The following CFAP61 variants were observed in gnomAD, a reference collection of about 807,000 sequenced individuals.
CFAP61 encodes cilia and flagella associated protein 61.
CFAP61 carries 107 observed loss-of-function variants against 135.6 expected under a neutral mutation model. The observed-to-expected ratio is 0.79, with a 90% CI of 0.67 to 0.93. The LOEUF (loss-of-function observed/expected upper bound fraction) is 0.93, where lower values mean the gene tolerates loss of function less well. Ranked by LOEUF, CFAP61 falls within the 40% of genes least tolerant of loss-of-function variation. CFAP61 has a pLI of 0.00. For synonymous variants in CFAP61, 575 were observed against 578.5 expected (o/e 0.99, Z 0.09); for missense variants, 1,507 against 1,556.2 (o/e 0.97, Z 0.53).
At chr20:20,061,308 T>C (rs2044777835) in intron 2 of CFAP61, among the ~76,000 whole-genome samples, 3 of 151,810 alleles carry the variant, frequency 2.0e-5, no homozygotes, top group South Asian at 4.2e-4. Flanking sequence ...AATAAGAAAA[T>C]AAATTTTACT....
intron 6 of CFAP61, among the ~76,000 whole-genome samples, chr20:20,080,227 C>T (rs145793990): frequency 2.0e-5 from 3 of 152,192 alleles, no homozygotes; most frequent in Non-Finnish European, 4.4e-5. Flanking sequence ...CATACATGCA[C>T]TCTCTCTACA....
intron 8 of CFAP61, among the ~76,000 whole-genome samples, chr20:20,135,541 G>A (rs1037140183): frequency 4.6e-5 from 7 of 152,094 alleles, no homozygotes; most frequent in African/African-American, 1.7e-4. Flanking sequence ...TATGTTTTTA[G>A]ATTTGAGGGA....
chr20:20,206,925 T>C (rs2056882109), intron 17 of CFAP61, among the ~76,000 whole-genome samples: 1 of 152,224 alleles, frequency 6.6e-6, no homozygotes, highest in Non-Finnish European at 1.5e-5. Flanking sequence ...GCATTCTGGC[T>C]AATAATTGAT....
intron 13 of CFAP61, among the ~76,000 whole-genome samples, chr20:20,175,822 C>G (rs535973080): frequency 6.6e-6 from 1 of 152,066 alleles, no homozygotes; most frequent in Non-Finnish European, 1.5e-5. Flanking sequence ...TGAGCCACTG[C>G]GCCTGGCTGG....
chr20:20,246,740 T>G (rs2050485563), intron 19 of CFAP61, among the ~76,000 whole-genome samples: 1 of 152,240 alleles, frequency 6.6e-6, no homozygotes, highest in Non-Finnish European at 1.5e-5. Context: ...CATTTTAATT[T>G]CCTGTAGCAA....
chr20:20,277,660 C>A (rs1417541422), intron 22 of CFAP61, among the ~76,000 whole-genome samples: 7 of 152,246 alleles, frequency 4.6e-5, no homozygotes, highest in South Asian at 4.1e-4. Flanking sequence ...GTTTATTATT[C>A]TTATCTCTCC....
chr20:20,303,447 G>A (rs754203403), intron 25 of CFAP61, among the ~76,000 whole-genome samples: 6 of 152,200 alleles, frequency 3.9e-5, no homozygotes, highest in Non-Finnish European at 7.3e-5. Context: ...GAAGATGGCC[G>A]CCAGTCATTT....
At chr20:20,189,988 T>C (rs998599857) in intron 14 of CFAP61, among the ~76,000 whole-genome samples, 2 of 152,310 alleles carry the variant, frequency 1.3e-5, no homozygotes, top group East Asian at 1.9e-4. Context: ...TTTCACCATA[T>C]TGGCCAGGCT....
At chr20:20,273,691 A>T (rs2424311) in intron 21 of CFAP61, among the ~76,000 whole-genome samples, 2 of 152,242 alleles carry the variant, frequency 1.3e-5, no homozygotes, top group Non-Finnish European at 2.9e-5. Flanking sequence ...CAGGGATAAC[A>T]TGATGGGTAG....
Position 20,196,691 on chromosome 20 carries a change from C to G in CFAP61, c.1712C>G (p.Thr571Ser). ...CTCAACCCCATTTTCCGGCACTACACCAAGTTCTTTCTGAAGGAGATCCTG... is the reference window on the plus strand; with the variant it reads ...CTCAACCCCATTTTCCGGCACTACAGCAAGTTCTTTCTGAAGGAGATCCTG... Reference protein sequence around the residue: ...FALNPIFRHYTKFFLKEILRL... With the variant: ...FALNPIFRHYSKFFLKEILRL... The change falls in exon 16 of 27, where the codon ACC becomes AGC. Residue 571 changes from threonine (T) to serine (S), a missense_variant. Thr to Ser is a moderately conservative substitution (Grantham distance 58). Coordinates refer to ENST00000245957, the MANE Select transcript of CFAP61 (RefSeq NM_015585.4). The G allele has an allele frequency of 6.2e-7, 1 of 1,614,158 alleles. No homozygotes were observed. Among genetic ancestry groups the G allele is most frequent in the Non-Finnish European group, 8.5e-7 (1 of 1,180,034 alleles).
chr20:20,345,246 A>G (rs1420169623), intron 26 of CFAP61, among the ~76,000 whole-genome samples: 1 of 152,198 alleles, frequency 6.6e-6, no homozygotes, highest in Non-Finnish European at 1.5e-5. Context: ...AAGATAACTA[A>G]AAGAGTGGAA....
At chr20:20,144,707 TAAAG>T (rs1034304147) in intron 9 of CFAP61, among the ~76,000 whole-genome samples, 2 of 151,134 alleles carry the variant, frequency 1.3e-5, no homozygotes, top group African/African-American at 4.9e-5. Flanking sequence ...CACAAGAACA[TAAAG>T]AAAACTATAC....
chr20:20,057,141 A>AAG (rs2044418969), intron 2 of CFAP61, among the ~76,000 whole-genome samples: 1 of 150,622 alleles, frequency 6.6e-6, no homozygotes, highest in East Asian at 1.9e-4. Flanking sequence ...AAAAAAAAAA[A>AAG]GAAGGTTCCT....
chr20:20,230,460 A>T (rs1312609010), intron 18 of CFAP61, among the ~76,000 whole-genome samples: 1 of 152,194 alleles, frequency 6.6e-6, no homozygotes, highest in Non-Finnish European at 1.5e-5. Flanking sequence ...GAAGAAATAC[A>T]GTTTTCACCC....
chr20:20,250,281 A>G (rs190978859), intron 19 of CFAP61, among the ~76,000 whole-genome samples: 1 of 152,338 alleles, frequency 6.6e-6, no homozygotes, highest in Non-Finnish European at 1.5e-5. Context: ...CATCCTGCCT[A>G]ACAAAGCAGC....
chr20:20,206,802 G>T (rs372383038), intron 17 of CFAP61, among the ~76,000 whole-genome samples: 2 of 152,026 alleles, frequency 1.3e-5, no homozygotes, highest in African/African-American at 4.8e-5. Flanking sequence ...ATACCTACAA[G>T]TGGGACTGCT....
At chr20:20,110,926 A>T (rs1189006998) in intron 8 of CFAP61, among the ~76,000 whole-genome samples, 1 of 152,136 alleles carries the variant, frequency 6.6e-6, no homozygotes, top group Non-Finnish European at 1.5e-5. Flanking sequence ...GGGCAGTCAG[A>T]TTTTTCAGTG....
At chr20:20,246,436 C>T (rs2050464688) in intron 19 of CFAP61, among the ~76,000 whole-genome samples, 1 of 152,230 alleles carries the variant, frequency 6.6e-6, no homozygotes, top group African/African-American at 2.4e-5. Context: ...CGTGGGAAGA[C>T]ATCTGCCCTG....
chr20:20,117,385 T>C (rs2049231309), intron 8 of CFAP61, among the ~76,000 whole-genome samples: 1 of 152,046 alleles, frequency 6.6e-6, no homozygotes, highest in Non-Finnish European at 1.5e-5. Flanking sequence ...AATAAATAAA[T>C]AAATAGGCTA....
Sources: allele counts gnomAD v4.1 joint callset (sites outside exome capture counted in the v4.1 genomes callset), GRCh38; gene constraint gnomAD v4.1.1; transcripts MANE v1.5; gene names NCBI Gene and HGNC (gene_info 2026-07-23, HGNC 2026-07-21).